Variants in RALYL observed in about 807,000 individuals in gnomAD.
RALYL encodes RALY RNA binding protein like.
In RALYL, 29 loss-of-function variants were observed where a neutral mutation model predicts 35.1. The observed-to-expected ratio is 0.83, with a 90% CI of 0.61 to 1.13. RALYL has a LOEUF of 1.13. Among genes scored for constraint, RALYL ranks in the 50% most tolerant of loss-of-function variants. The probability of loss-of-function intolerance (pLI) is 0.00; values close to 1 mark genes in which losing one functional copy is unlikely to be tolerated. For synonymous variants in RALYL, 120 were observed against 127.6 expected (o/e 0.94, Z 0.40); for missense variants, 359 against 360.4 (o/e 1.00, Z 0.03).
intron 1 of RALYL, among the ~76,000 whole-genome samples, chr8:84,388,936 G>A (rs997013524): frequency 2.0e-5 from 3 of 152,162 alleles, no homozygotes; most frequent in African/African-American, 4.8e-5. Flanking sequence ...GTCCTGAATG[G>A]TGTTGCCTAG....
intron 2 of RALYL, among the ~76,000 whole-genome samples, chr8:84,531,340 G>A (rs940038240): frequency 6.6e-5 from 10 of 152,008 alleles, no homozygotes; most frequent in African/African-American, 2.4e-4. Flanking sequence ...AGGGAAAAAA[G>A]CAAAAGATGT....
At chr8:84,640,206 T>C (rs938337149) in intron 2 of RALYL, among the ~76,000 whole-genome samples, 1 of 152,032 alleles carries the variant, frequency 6.6e-6, no homozygotes, top group Non-Finnish European at 1.5e-5. Context: ...CAAAAGACTT[T>C]AAAGGCAATA....
At chr8:84,764,212 T>C (rs1813350917) in intron 2 of RALYL, among the ~76,000 whole-genome samples, 1 of 152,182 alleles carries the variant, frequency 6.6e-6, no homozygotes, top group African/African-American at 2.4e-5. Flanking sequence ...GCTACATCTT[T>C]ATTATGATGC....
intron 2 of RALYL, among the ~76,000 whole-genome samples, chr8:84,550,197 GTCTC>G (rs138037136): frequency 3.1e-4 from 46 of 148,972 alleles, no homozygotes; most frequent in Non-Finnish European, 5.5e-4. Context: ...GTTAATCTGG[GTCTC>G]TCTCTCTCTC....
intron 4 of RALYL, among the ~76,000 whole-genome samples, chr8:84,842,519 A>T (rs1469224562): frequency 1.3e-5 from 2 of 152,234 alleles, no homozygotes; most frequent in African/African-American, 4.8e-5. Flanking sequence ...ACAGATTCAC[A>T]GCCGAATTCT....
At chr8:84,439,864 G>A (rs1438125973) in intron 1 of RALYL, among the ~76,000 whole-genome samples, 1 of 151,986 alleles carries the variant, frequency 6.6e-6, no homozygotes, top group Non-Finnish European at 1.5e-5. Flanking sequence ...TGGCTATGCT[G>A]GATTTATACT....
intron 1 of RALYL, among the ~76,000 whole-genome samples, chr8:84,367,455 G>A (rs542794408): frequency 7.0e-6 from 1 of 143,274 alleles, no homozygotes; most frequent in African/African-American, 2.5e-5. Context: ...CTCCCAAAGT[G>A]CTAGAATTAA....
At chr8:84,237,992 A>G (rs957769106) in intron 1 of RALYL, among the ~76,000 whole-genome samples, 5 of 138,428 alleles carry the variant, frequency 3.6e-5, no homozygotes, top group Non-Finnish European at 6.3e-5. Flanking sequence ...AAGAAGAAAA[A>G]AGTGCAAAAA....
intron 3 of RALYL, among the ~76,000 whole-genome samples, chr8:84,790,783 T>C (rs547423749): frequency 3.9e-5 from 6 of 152,074 alleles, no homozygotes; most frequent in Non-Finnish European, 8.8e-5. Context: ...GTACAGAAAA[T>C]AGAAGTGAGA....
intron 2 of RALYL, among the ~76,000 whole-genome samples, chr8:84,726,049 G>T (rs993774543): frequency 3.3e-5 from 5 of 150,846 alleles, no homozygotes; most frequent in Non-Finnish European, 5.9e-5. Flanking sequence ...GTATTTCTTT[G>T]TTATAAAAGT....
chr8:84,619,395 A>G (rs1393564149), intron 2 of RALYL, among the ~76,000 whole-genome samples: 4 of 148,752 alleles, frequency 2.7e-5, no homozygotes, highest in South Asian at 4.3e-4. Context: ...AGTCTGTTTT[A>G]TCAGAGACTA....
chr8:84,406,007 A>G (rs1289655104), intron 1 of RALYL, among the ~76,000 whole-genome samples: 1 of 150,672 alleles, frequency 6.6e-6, no homozygotes, highest in Admixed American at 6.6e-5. Flanking sequence ...ACAATTGCAG[A>G]CTTTTGTTAA....
chr8:84,229,512 T>A (rs1430612290), intron 1 of RALYL, among the ~76,000 whole-genome samples: 1 of 152,210 alleles, frequency 6.6e-6, no homozygotes, highest in Non-Finnish European at 1.5e-5. Flanking sequence ...CAAATATTAA[T>A]TTCCAGTTTG....
chr8:84,478,117 G>T (rs1005991882), intron 1 of RALYL, among the ~76,000 whole-genome samples: 1 of 152,028 alleles, frequency 6.6e-6, no homozygotes, highest in Non-Finnish European at 1.5e-5. Context: ...AAAAGCCTTT[G>T]TGATACAGAA....
intron 2 of RALYL, among the ~76,000 whole-genome samples, chr8:84,669,480 T>TCCCCCCCCCCCCCCCCC (rs1299255982): frequency 1.2e-4 from 1 of 8,530 alleles, no homozygotes; most frequent in Non-Finnish European, 2.3e-4. Context: ...ATCTTCTCCC[T>TCCCCCCCCCCCCCCCCC]CCCCCCTCCC....
At chr8:84,353,067 T>C (rs1037088876) in intron 1 of RALYL, among the ~76,000 whole-genome samples, 8 of 150,234 alleles carry the variant, frequency 5.3e-5, no homozygotes, top group Admixed American at 2.0e-4. Context: ...CCTAAAGTCA[T>C]TCTAGTTTTT....
intron 1 of RALYL, among the ~76,000 whole-genome samples, chr8:84,484,246 A>C (rs2054361657): frequency 6.6e-6 from 1 of 152,124 alleles, no homozygotes. Context: ...TCTGCTCTGC[A>C]AGGGATAAGG....
chr8:84,625,255 G>T (rs1345600965), intron 2 of RALYL, among the ~76,000 whole-genome samples: 1 of 152,068 alleles, frequency 6.6e-6, no homozygotes, highest in African/African-American at 2.4e-5. Context: ...GGGCACAAAT[G>T]GTTTTATTGT....
chr8:84,250,442 T>C (rs1487747316), intron 1 of RALYL, among the ~76,000 whole-genome samples: 1 of 151,958 alleles, frequency 6.6e-6, no homozygotes, highest in East Asian at 1.9e-4. Context: ...CTCAGCTCAC[T>C]GCAACCTCTG....
Sources: gnomAD v4.1 joint callset for allele counts (sites outside exome capture counted in the v4.1 genomes callset) on GRCh38, gnomAD v4.1.1 for gene constraint, MANE v1.5 for transcripts, NCBI Gene and HGNC (gene_info 2026-07-23, HGNC 2026-07-21) for gene names.